Variants in TBK1 observed in about 807,000 individuals in gnomAD.
TBK1 encodes the protein TANK binding kinase 1.
A neutral mutation model predicts 99.9 loss-of-function variants in TBK1; 37 were observed. The observed-to-expected ratio is 0.37, with a 90% CI of 0.28 to 0.49. The LOEUF (loss-of-function observed/expected upper bound fraction) is 0.49. TBK1 is among the 20% of genes least tolerant of loss of function. The pLI is 0.98. For synonymous variants in TBK1, 258 were observed against 279.8 expected (o/e 0.92, Z 0.78); for missense variants, 644 against 872.5 (o/e 0.74, Z 3.30).
At chr12:64,476,605 C>G (rs544804724) in intron 6 of TBK1, among the ~76,000 whole-genome samples, 1 of 152,232 alleles carries the variant, frequency 6.6e-6, no homozygotes, top group South Asian at 2.1e-4. Context: ...AATAATTTCT[C>G]CCATTCTATA....
intron 9 of TBK1, 59 bp from the exon 10 acceptor site, chr12:64,485,396 G>A: frequency 4.8e-6 from 4 of 829,644 alleles, no homozygotes; most frequent in Non-Finnish European, 7.6e-6. Context: ...GCTCTATAAA[G>A]GATAAAGTGA....
chr12:64,459,937 G>T (rs149227872), intron 2 of TBK1, among the ~76,000 whole-genome samples: 2 of 152,170 alleles, frequency 1.3e-5, no homozygotes, highest in South Asian at 2.1e-4. Flanking sequence ...CTCATGAAAG[G>T]TTTATTTATA....
chr12:64,466,524 T>G (rs2040606262), intron 4 of TBK1, among the ~76,000 whole-genome samples: 1 of 152,138 alleles, frequency 6.6e-6, no homozygotes, highest in African/African-American at 2.4e-5. Context: ...TGTAAAACTC[T>G]GGTGAAAGAT....
intron 20 of TBK1, among the ~76,000 whole-genome samples, chr12:64,499,664 C>A (rs554458539): frequency 2.8e-4 from 42 of 148,502 alleles, no homozygotes; most frequent in Non-Finnish European, 4.2e-4. Context: ...GCTTAAAGAT[C>A]ACCAAGTAGA....
chr12:64,480,146 C>A, intron 7 of TBK1, 24 bp downstream of exon 7: 1 of 1,555,442 alleles, frequency 6.4e-7, no homozygotes, highest in South Asian at 1.2e-5. Context: ...ACCTAATTCT[C>A]ATCTTTTGCA....
At chr12:64,460,036 GAA>G (rs1288222622) in intron 2 of TBK1, among the ~76,000 whole-genome samples, 151 bp from the exon 3 acceptor site, 17 of 152,150 alleles carry the variant, frequency 1.1e-4, no homozygotes, top group Non-Finnish European at 2.2e-4. Context: ...TAACTTTTTA[GAA>G]AAGTCAAAAG....
chr12:64,457,416 GA>G (rs2040501548), intron 2 of TBK1, among the ~76,000 whole-genome samples: 2 of 152,138 alleles, frequency 1.3e-5, no homozygotes, highest in Non-Finnish European at 2.9e-5. Context: ...ATGCCAAGGA[GA>G]AAATGACTAG....
chr12:64,475,165 G>A (rs2040698846), intron 6 of TBK1, among the ~76,000 whole-genome samples: 2 of 152,282 alleles, frequency 1.3e-5, no homozygotes, highest in South Asian at 4.1e-4. Flanking sequence ...TGGCAGTAAT[G>A]TAACATTAAA....
chr12:64,452,831 C>G (rs2040442475), intron 1 of TBK1: 1 of 152,128 alleles, frequency 6.6e-6, no homozygotes, highest in Admixed American at 6.5e-5. Flanking sequence ...AATCTCTATC[C>G]CAAGTATTCT....
At chr12:64,472,556 T>C (rs2040673174) in intron 5 of TBK1, among the ~76,000 whole-genome samples, 1 of 152,222 alleles carries the variant, frequency 6.6e-6, no homozygotes, top group African/African-American at 2.4e-5. Context: ...GTGTGACCAC[T>C]GGTTATTCTC....
intron 13 of TBK1, among the ~76,000 whole-genome samples, chr12:64,492,137 C>A (rs749029428): frequency 1.6e-4 from 25 of 152,128 alleles, no homozygotes; most frequent in Admixed American, 3.9e-4. Context: ...TTATATTCTT[C>A]TCTGTTTTCA....
chr12:64,469,283 C>T (rs1330785925), intron 5 of TBK1, among the ~76,000 whole-genome samples: 2 of 152,008 alleles, frequency 1.3e-5, no homozygotes, highest in Non-Finnish European at 2.9e-5. Context: ...GAATTCTCCA[C>T]GTGAATGTAA....
At chr12:64,470,841 C>A (rs2040654755) in intron 5 of TBK1, among the ~76,000 whole-genome samples, 1 of 152,192 alleles carries the variant, frequency 6.6e-6, no homozygotes, top group African/African-American at 2.4e-5. Context: ...TTTCATGTAA[C>A]CTCCTGGGAA....
intron 1 of TBK1, among the ~76,000 whole-genome samples, chr12:64,455,469 C>G (rs113347908): frequency 0.024 from 3,691 of 152,126 alleles, 174 homozygotes; most frequent in African/African-American, 0.084. Context: ...TTTAGTCATC[C>G]CTGCAGAATT....
chr12:64,488,498 A>C lies in TBK1; in HGVS notation c.1352A>C (p.Lys451Thr). The C allele has an allele frequency of 6.3e-7, 1 of 1,576,466 alleles. No homozygotes were observed. The highest frequency in any genetic ancestry group is 8.6e-7 in the Non-Finnish European group (1 of 1,165,274). Reference sequence around the variant, plus strand: ...TTTTCTTTTTTTAGTGAATTAATTAAAGATGATTACAATGAAACTGTTCAC... The same window carrying C: ...TTTTCTTTTTTTAGTGAATTAATTACAGATGATTACAATGAAACTGTTCAC... ...KGIRWLIELI[K>T]DDYNETVHKK... The change falls in exon 12 of 21, where the codon AAA becomes ACA. Residue 451 changes from lysine to threonine, a missense_variant. Around this residue, in one of 3 missense-constraint regions of TBK1, gnomAD observed 465 missense variants for 588.0 expected, o/e 0.79. Coordinates refer to ENST00000331710, the MANE Select transcript of TBK1 (RefSeq NM_013254.4).
At chr12:64,462,920 C>G (rs1410724035) in intron 3 of TBK1, among the ~76,000 whole-genome samples, 2 of 152,122 alleles carry the variant, frequency 1.3e-5, no homozygotes, top group African/African-American at 4.8e-5. Flanking sequence ...TGCAAATGAG[C>G]AGACTGGAGC....
chr12:64,453,846 T>G (rs956488124), intron 1 of TBK1, among the ~76,000 whole-genome samples: 1 of 152,178 alleles, frequency 6.6e-6, no homozygotes, highest in African/African-American at 2.4e-5. Flanking sequence ...ATTAAAGACT[T>G]GATAATACAG....
intron 12 of TBK1, among the ~76,000 whole-genome samples, chr12:64,489,573 G>GTT (rs201362644): frequency 2.1e-5 from 3 of 139,546 alleles, no homozygotes; most frequent in African/African-American, 5.2e-5. Flanking sequence ...TGTTTTTTTG[G>GTT]TTTTTTTTTT....
rs566488337 is a variant in TBK1, at chr12:64,495,850, G to A, written c.1720+75G>A. Reference sequence around the variant, plus strand: ...AGTTATAATTCAGTTAAATTAATTTGGTATATCTGTAAGGGTAGCTTCTTA... The same window carrying A: ...AGTTATAATTCAGTTAAATTAATTTAGTATATCTGTAAGGGTAGCTTCTTA... On this transcript the variant is annotated intron_variant, in intron 15 of 20. Transcript: ENST00000331710. The A allele has an allele frequency of 4.6e-5, 56 of 1,214,182 alleles. 1 individual carries two copies. In the East Asian group the frequency reaches 1.4e-3, roughly 30 times the overall value. 75.2% of individuals were successfully genotyped at this position (1,214,182 alleles called of 1,614,324 possible).
Sources: allele counts gnomAD v4.1 joint callset (sites outside exome capture counted in the v4.1 genomes callset), GRCh38; gene constraint gnomAD v4.1.1; regional missense constraint gnomAD v4.1.1; transcripts MANE v1.5; gene names NCBI Gene and HGNC (gene_info 2026-07-23, HGNC 2026-07-21).